The following TENM3 variants were observed in gnomAD, a reference collection of about 807,000 sequenced individuals.
The protein encoded by TENM3 is teneurin transmembrane protein 3.
A neutral mutation model predicts 255.1 loss-of-function variants in TENM3; 63 were observed. The ratio of observed to expected loss-of-function variants is 0.25; its 90% CI spans 0.20 to 0.30. The LOEUF (loss-of-function observed/expected upper bound fraction) is 0.30. TENM3 is among the 10% of genes least tolerant of loss of function. The probability of loss-of-function intolerance (pLI) is 1.00; values close to 1 mark genes in which losing one functional copy is unlikely to be tolerated. For synonymous variants in TENM3, 1,306 were observed against 1,322.3 expected (o/e 0.99, Z 0.27); for missense variants, 2,929 against 3,461.1 (o/e 0.85, Z 3.86).
intron 1 of TENM3, among the ~76,000 whole-genome samples, chr4:182,200,968 G>A (rs952817590): frequency 6.6e-6 from 1 of 151,940 alleles, no homozygotes; most frequent in African/African-American, 2.4e-5. Flanking sequence ...GGGATAACAG[G>A]CATACACCAC....
chr4:181,605,570 GAGAGAGAAAGAAAGGAAAGAAA>G, the TENM3 span, among the ~76,000 whole-genome samples: 4 of 24,788 alleles, frequency 1.6e-4, no homozygotes, highest in Admixed American at 5.1e-4. Context: ...AAGAAAGAAA[GAGAGAGAAAGAAAGGAAAGAAA>G]GAAAGAAAGA....
At chr4:182,287,047 C>T (rs1298713079) in intron 1 of TENM3, among the ~76,000 whole-genome samples, 3 of 152,068 alleles carry the variant, frequency 2.0e-5, no homozygotes, top group Non-Finnish European at 2.9e-5. Flanking sequence ...AGTAACATAG[C>T]GAGACCCCGT....
chr4:181,579,532 C>T, the TENM3 span, among the ~76,000 whole-genome samples: 2 of 152,146 alleles, frequency 1.3e-5, no homozygotes, highest in African/African-American at 4.8e-5. Flanking sequence ...GATTGGATTC[C>T]ATCTTAAGTT....
rs181264283 is a variant in TENM3, at chr4:182,607,522, G to A, written c.749+6361G>A. The stretch of plus-strand genomic sequence containing the variant: ...TAATTAACTAAAGTAATAAATGTTT[G>A]GAATGAATCAATAAAAGCCTTCATA... On this transcript the variant is annotated intron_variant, in intron 4 of 27. Transcript: ENST00000511685. Among the ~76,000 whole-genome samples the A allele has an allele frequency of 9.9e-5, 15 of 152,166 alleles. No homozygotes were observed. In the East Asian group the frequency reaches 2.7e-3, roughly 27 times the overall value.
intron 3 of TENM3, among the ~76,000 whole-genome samples, chr4:182,390,230 T>C (rs941813226): frequency 1.3e-5 from 2 of 152,198 alleles, no homozygotes; most frequent in Non-Finnish European, 1.5e-5. Flanking sequence ...TGACAGACCA[T>C]GGCAAGTCTT....
the TENM3 span, among the ~76,000 whole-genome samples, chr4:181,996,881 G>A: frequency 3.4e-3 from 525 of 152,284 alleles, 2 homozygotes; most frequent in African/African-American, 0.012. Context: ...TGTCTGGGAA[G>A]CAGCTGGTCT....
intron 6 of TENM3, among the ~76,000 whole-genome samples, chr4:182,663,573 C>A (rs937782770): frequency 2.6e-5 from 4 of 152,104 alleles, no homozygotes; most frequent in African/African-American, 9.7e-5. Flanking sequence ...TTTGTATATT[C>A]ATAGATGAAT....
At chr4:182,785,712 T>TAAAAA (rs397879537) in intron 24 of TENM3, among the ~76,000 whole-genome samples, 21 of 60,076 alleles carry the variant, frequency 3.5e-4, no homozygotes, top group South Asian at 1.0e-3. Flanking sequence ...TGTCTCAAGA[T>TAAAAA]AAAAAAAAAA....
At chr4:181,965,169 GTGTGTGC>G in the TENM3 span, among the ~76,000 whole-genome samples, 9 of 152,262 alleles carry the variant, frequency 5.9e-5, no homozygotes, top group Admixed American at 2.0e-4. Flanking sequence ...GTCATAATTA[GTGTGTGC>G]TGTTGGAAGA....
intron 2 of TENM3, among the ~76,000 whole-genome samples, chr4:182,340,543 A>G (rs1175246394): frequency 6.6e-6 from 1 of 152,210 alleles, no homozygotes; most frequent in Non-Finnish European, 1.5e-5. Flanking sequence ...AAAGATTTGT[A>G]GCCTCACTGA....
intron 3 of TENM3, among the ~76,000 whole-genome samples, chr4:182,572,603 T>C (rs1744506136): frequency 1.3e-5 from 2 of 152,196 alleles, no homozygotes; most frequent in Admixed American, 1.3e-4. Flanking sequence ...GTGTACCTCT[T>C]TCCAGTGACT....
chr4:181,752,412 C>T, the TENM3 span, among the ~76,000 whole-genome samples: 5 of 152,042 alleles, frequency 3.3e-5, no homozygotes, highest in South Asian at 2.1e-4. Flanking sequence ...AATAGCTGGG[C>T]GTGGTGGCGG....
At chr4:181,631,024 G>A in the TENM3 span, among the ~76,000 whole-genome samples, 24 of 152,210 alleles carry the variant, frequency 1.6e-4, no homozygotes, top group African/African-American at 3.6e-4. Context: ...CTCTGATTGC[G>A]GTATCAATAG....
chr4:181,974,649 G>A, the TENM3 span, among the ~76,000 whole-genome samples: 2 of 152,108 alleles, frequency 1.3e-5, no homozygotes, highest in African/African-American at 2.4e-5. Context: ...GTGGAATAAC[G>A]GGTTCAAAGT....
intron 6 of TENM3, among the ~76,000 whole-genome samples, chr4:182,666,490 C>G (rs973503354): frequency 6.6e-6 from 1 of 152,130 alleles, no homozygotes; most frequent in African/African-American, 2.4e-5. Context: ...CAATCAGCTG[C>G]CGCCTACACT....
At chr4:182,788,883 G>A (rs535954241) in intron 24 of TENM3, among the ~76,000 whole-genome samples, 22 of 152,220 alleles carry the variant, frequency 1.4e-4, no homozygotes, top group African/African-American at 4.6e-4. Flanking sequence ...TAATTGAAAT[G>A]GTTTTGAACA....
chr4:182,168,601 G>T (rs1410728264), intron 1 of TENM3, among the ~76,000 whole-genome samples: 1 of 152,062 alleles, frequency 6.6e-6, no homozygotes, highest in Non-Finnish European at 1.5e-5. Flanking sequence ...CACCTTACAG[G>T]TTTCTTTCAG....
chr4:182,456,952 G>A (rs1773925925), intron 3 of TENM3, among the ~76,000 whole-genome samples: 1 of 152,168 alleles, frequency 6.6e-6, no homozygotes, highest in Non-Finnish European at 1.5e-5. Context: ...GGAGGCCGAG[G>A]CAAGTGGATC....
intron 1 of TENM3, among the ~76,000 whole-genome samples, chr4:182,230,979 A>G (rs1329132641): frequency 6.6e-6 from 1 of 151,220 alleles, no homozygotes; most frequent in Non-Finnish European, 1.5e-5. Context: ...CTCCTGGGCC[A>G]GACCTGAGGG....
Sources: gnomAD v4.1 joint callset for allele counts (sites outside exome capture counted in the v4.1 genomes callset) on GRCh38, gnomAD v4.1.1 for gene constraint, MANE v1.5 for transcripts, NCBI Gene and HGNC (gene_info 2026-07-23, HGNC 2026-07-21) for gene names.